The following CCDC43 variants were observed in gnomAD, a reference collection of about 807,000 sequenced individuals.
CCDC43 encodes the protein coiled-coil domain-containing protein 43.
A neutral mutation model predicts 33.3 loss-of-function variants in CCDC43; 20 were observed. The observed-to-expected ratio is 0.60, with a 90% CI of 0.42 to 0.87. The LOEUF is 0.87. CCDC43 is among the 40% of genes least tolerant of loss of function. The pLI is 0.00. For synonymous variants in CCDC43, 104 were observed against 106.5 expected (o/e 0.98, Z 0.14); for missense variants, 248 against 269.9 (o/e 0.92, Z 0.57).
At chr17:44,686,493 C>T (rs1972238977) in intron 1 of CCDC43, among the ~76,000 whole-genome samples, 1 of 152,102 alleles carries the variant, frequency 6.6e-6, no homozygotes, top group Non-Finnish European at 1.5e-5. Context: ...AAAAGAATGG[C>T]AGGAAAAGGA....
intron 3 of CCDC43, 80 bp downstream of exon 3, chr17:44,681,923 C>T: frequency 6.4e-7 from 1 of 1,568,376 alleles, no homozygotes; most frequent in East Asian, 2.3e-5. Context: ...GGATTAGCAA[C>T]TTGCCAAAGG....
chr17:44,679,098 G>T, intron 4 of CCDC43, 55 bp from the exon 5 acceptor site: 1 of 1,393,740 alleles, frequency 7.2e-7, no homozygotes, highest in Non-Finnish European at 9.9e-7. Flanking sequence ...ACCTACTGCT[G>T]CCTTTCCTCA....
At chr17:44,679,881 G>A (rs1037295308) in intron 4 of CCDC43, among the ~76,000 whole-genome samples, 3 of 151,432 alleles carry the variant, frequency 2.0e-5, no homozygotes, top group Non-Finnish European at 4.4e-5. Flanking sequence ...GCAACAGAGC[G>A]AGACTCTGTC....
intron 3 of CCDC43, among the ~76,000 whole-genome samples, chr17:44,681,428 ACT>A (rs1320010981): frequency 3.3e-4 from 50 of 152,168 alleles, no homozygotes; most frequent in African/African-American, 1.1e-3. Context: ...ACGAAGCGAG[ACT>A]CTGTCCAGAA....
Position 44,679,035 on chromosome 17 carries a change from G to C in CCDC43, c.496C>G (p.Arg166Gly). The part of the protein sequence containing the change: ...MNIGSDKLLF[R>G]NTNVEDVLNA... ...AGGACATCTTCCACATTGGTGTTTC[G>C]GAACAGAACTACAGGTGAGTTAAGG... Residue 166 changes from arginine to glycine, a missense_variant, in exon 5 of 5, where the codon CGA becomes GGA. Coordinates refer to ENST00000315286, the MANE Select transcript of CCDC43 (RefSeq NM_144609.3). 6.2e-7 allele frequency: 1 copy of C among 1,613,228 alleles called. No homozygotes were observed. The highest frequency in any genetic ancestry group is 1.1e-5 in the South Asian group (1 of 91,028).
intron 1 of CCDC43, among the ~76,000 whole-genome samples, chr17:44,684,695 C>CA (rs1157700935): frequency 2.4e-3 from 306 of 125,104 alleles, no homozygotes; most frequent in African/African-American, 5.8e-3. Flanking sequence ...GAAATTGTCT[C>CA]AAAAAAAAAA....
At chr17:44,680,736 G>A in intron 3 of CCDC43, 93 bp from the exon 4 acceptor site, 1 of 868,190 alleles carries the variant, frequency 1.2e-6, no homozygotes, top group Non-Finnish European at 2.0e-6. Flanking sequence ...AAAGCACACT[G>A]AATGGAGGGA....
At position 44,680,621 on chromosome 17, in the gene CCDC43, A is replaced by G. The variant is rs774904628; in HGVS notation, c.451T>C (p.Ser151Pro). Residue 151 changes from serine to proline, a missense_variant, in exon 4 of 5, where the codon TCA becomes CCA. By Grantham distance (74) the Ser-to-Pro change is moderately conservative (BLOSUM62 -1). Transcript: ENST00000315286. The part of the protein sequence containing the change: ...EEDEADEKDD[S>P]GATTMNIGSD... ...CCAATGTTCATTGTGGTAGCACCTG[A>G]ATCATCCTTCTCATCTGCTTCAGTA... The G allele has an allele frequency of 6.2e-7, 1 of 1,609,734 alleles. No individual in the cohort carries two copies. Among genetic ancestry groups the G allele is most frequent in the Non-Finnish European group, 8.5e-7 (1 of 1,176,392 alleles).
At chr17:44,680,939 C>G (rs546271063) in intron 3 of CCDC43, among the ~76,000 whole-genome samples, 1 of 152,266 alleles carries the variant, frequency 6.6e-6, no homozygotes, top group African/African-American at 2.4e-5. Context: ...GTGTGGTTCA[C>G]AAAACCCCCA....
intron 1 of CCDC43, among the ~76,000 whole-genome samples, chr17:44,686,127 A>G (rs1362584073): frequency 6.6e-6 from 1 of 152,098 alleles, no homozygotes; most frequent in African/African-American, 2.4e-5. Context: ...GTTAGCCAGG[A>G]TGGTTTCGAT....
chr17:44,682,699 TACAAAA>T (rs1186694085), intron 2 of CCDC43, among the ~76,000 whole-genome samples: 2 of 151,888 alleles, frequency 1.3e-5, no homozygotes, highest in East Asian at 3.9e-4. Context: ...CTACTAAAAA[TACAAAA>T]ATTAGCCAGG....
At chr17:44,685,392 G>A (rs1164964741) in intron 1 of CCDC43, among the ~76,000 whole-genome samples, 2 of 152,006 alleles carry the variant, frequency 1.3e-5, no homozygotes, top group South Asian at 2.1e-4. Flanking sequence ...CAACCATCCC[G>A]CTGTCCATTT....
At position 44,677,587 on chromosome 17, in the gene CCDC43, T is replaced by G. The variant is rs1312441821; in HGVS notation, c.*1269A>C. The G allele has an allele frequency of 6.6e-6, 1 of 152,178 alleles. No homozygotes were observed. The highest frequency in any genetic ancestry group is 2.4e-5 in the African/African-American group (1 of 41,450). 9.4% of individuals were successfully genotyped at this position (152,178 alleles called of 1,614,324 possible). On this transcript the variant is annotated 3_prime_UTR_variant, in exon 5 of 5. Transcript: ENST00000315286. ...AACCTTCTGCACAAAGGTAAAAGTT[T>G]TTGTTAATCTCATAGTTAATGGTAT... is the stretch of plus-strand genomic sequence containing the variant.
In CCDC43 at chr17:44,680,819, A is replaced by G. The variant is rs575344636; in HGVS notation, c.429-176T>C. On this transcript the variant is annotated intron_variant, in intron 3 of 4. Coordinates refer to ENST00000315286, the MANE Select transcript of CCDC43 (RefSeq NM_144609.3). Reference sequence around the variant, plus strand: ...AAACCTCAACTTAGGAAAGATTGATATATCTTCTATAAGATCCTTTTCTTG... The same window carrying G: ...AAACCTCAACTTAGGAAAGATTGATGTATCTTCTATAAGATCCTTTTCTTG... 2.6e-5 allele frequency among the ~76,000 whole-genome samples: 4 copies of G among 152,328 alleles called. No homozygotes were observed. The South Asian group carries it at 6.2e-4, about 24-fold the overall frequency.
At chr17:44,682,773 G>A (rs988070305) in intron 2 of CCDC43, among the ~76,000 whole-genome samples, 2 of 152,014 alleles carry the variant, frequency 1.3e-5, no homozygotes, top group South Asian at 2.1e-4. Context: ...GGAGAATGGC[G>A]TGAACCCGGG....
intron 4 of CCDC43, among the ~76,000 whole-genome samples, chr17:44,680,384 C>T (rs778830218): frequency 2.0e-5 from 3 of 152,148 alleles, no homozygotes; most frequent in Non-Finnish European, 2.9e-5. Flanking sequence ...AATCCCTTTA[C>T]AGTACTTGTT....
chr17:44,684,894 C>T (rs1972212296), intron 1 of CCDC43, among the ~76,000 whole-genome samples: 1 of 152,062 alleles, frequency 6.6e-6, no homozygotes, highest in Admixed American at 6.6e-5. Context: ...AATCCTCCTG[C>T]CTCAGCCTCT....
At chr17:44,684,325 T>C (rs1972203430) in intron 1 of CCDC43, among the ~76,000 whole-genome samples, 1 of 152,242 alleles carries the variant, frequency 6.6e-6, no homozygotes, top group Middle Eastern at 3.2e-3. Context: ...TGTCTCAATA[T>C]ATGTTCACAT....
At chr17:44,689,348 T>G (rs528349687) in intron 1 of CCDC43, 2 of 672,430 alleles carry the variant, frequency 3.0e-6, no homozygotes, top group Non-Finnish European at 4.9e-6. Flanking sequence ...CCTTCCTCTC[T>G]GTGTACCTGC....
Sources: allele counts gnomAD v4.1 joint callset (sites outside exome capture counted in the v4.1 genomes callset), GRCh38; gene constraint gnomAD v4.1.1; transcripts MANE v1.5; gene names NCBI Gene and HGNC (gene_info 2026-07-23, HGNC 2026-07-21).